VDAC1: variants seen among roughly 807,000 people sequenced by gnomAD.
The protein encoded by VDAC1 is voltage dependent anion channel 1.
A neutral mutation model predicts 34.7 loss-of-function variants in VDAC1; 10 were observed. That is an observed-to-expected ratio of 0.29 (90% CI 0.18 to 0.49). The LOEUF (loss-of-function observed/expected upper bound fraction) is 0.49, where lower values mean the gene tolerates loss of function less well. Among genes scored for constraint, VDAC1 ranks in the 20% least tolerant of loss-of-function variants. The probability of loss-of-function intolerance (pLI) is 0.99; values close to 1 mark genes in which losing one functional copy is unlikely to be tolerated. For synonymous variants in VDAC1, 130 were observed against 136.0 expected (o/e 0.96, Z 0.30); for missense variants, 230 against 347.9 (o/e 0.66, Z 2.69).
chr5:134,030,596 C>T, the VDAC1 span, among the ~76,000 whole-genome samples: 1 of 38,556 alleles, frequency 2.6e-5, no homozygotes, highest in Admixed American at 2.9e-4. Flanking sequence ...TTCTTTCTTT[C>T]TTTCTTTCTT....
chr5:134,012,882 T>C, the VDAC1 span, among the ~76,000 whole-genome samples: 1 of 152,054 alleles, frequency 6.6e-6, no homozygotes, highest in Non-Finnish European at 1.5e-5. Context: ...ATAGTACTGG[T>C]ACAAAAACAG....
At chr5:133,999,098 T>A (rs752468255) in intron 1 of VDAC1, among the ~76,000 whole-genome samples, 14 of 152,184 alleles carry the variant, frequency 9.2e-5, no homozygotes, top group Non-Finnish European at 1.6e-4. Context: ...ATCGCCTGAA[T>A]GCAGGAGTTC....
the VDAC1 span, among the ~76,000 whole-genome samples, chr5:134,110,863 A>C: frequency 1.3e-5 from 2 of 152,394 alleles, no homozygotes; most frequent in African/African-American, 4.8e-5. Context: ...AGAAAAGGAA[A>C]GGAAATGTAT....
At chr5:134,075,247 C>T in the VDAC1 span, among the ~76,000 whole-genome samples, 1 of 152,174 alleles carries the variant, frequency 6.6e-6, no homozygotes, top group Admixed American at 6.6e-5. Flanking sequence ...ACTATTCATG[C>T]TATTACTATT....
At chr5:133,980,605 C>T (rs972793733) in intron 6 of VDAC1, 124 bp downstream of exon 6, 1 of 839,026 alleles carries the variant, frequency 1.2e-6, no homozygotes. Context: ...AACAAACTCA[C>T]TTTACAGTGG....
In VDAC1 at chr5:133,973,793, G is replaced by A. The variant is rs371614785; in HGVS notation, c.758C>T (p.Pro253Leu). The change falls in exon 8 of 9, where the codon CCA becomes CTA. Residue 253 changes from proline (P) to leucine (L), a missense_variant and splice_region_variant. Pro to Leu is a moderately conservative substitution (Grantham distance 98, BLOSUM62 -3). Coordinates refer to ENST00000265333, the MANE Select transcript of VDAC1 (RefSeq NM_003374.3). ...IGLGYTQTLK[P>L]GIKLTLSALL... ...TTTCACACACAAGCAACACATACCT[G>A]GCTTTAGAGTCTGAGTGTATCCTAA... 2 of 1,611,502 alleles carry A rather than the reference G, an allele frequency of 1.2e-6. No homozygotes were observed. Among genetic ancestry groups the A allele is most frequent in the Non-Finnish European group, 1.7e-6 (2 of 1,179,760 alleles).
the VDAC1 span, among the ~76,000 whole-genome samples, chr5:134,044,576 T>G: frequency 2.0e-5 from 3 of 152,226 alleles, no homozygotes; most frequent in Non-Finnish European, 4.4e-5. Context: ...CATATCTGTA[T>G]GTGTCTGTGT....
the VDAC1 span, among the ~76,000 whole-genome samples, chr5:134,087,060 G>A: frequency 6.6e-6 from 1 of 151,950 alleles, no homozygotes; most frequent in African/African-American, 2.4e-5. Flanking sequence ...CTACATTTTG[G>A]GCCTGCTGCT....
chr5:133,992,826 C>A, intron 2 of VDAC1, 120 bp downstream of exon 2: 1 of 940,808 alleles, frequency 1.1e-6, no homozygotes. Flanking sequence ...TTCTTTTTTC[C>A]CTCACGTGAA....
At chr5:134,085,892 C>A in the VDAC1 span, among the ~76,000 whole-genome samples, 56 of 151,878 alleles carry the variant, frequency 3.7e-4, no homozygotes, top group African/African-American at 1.2e-3. Flanking sequence ...GACCCTATCT[C>A]TGAAAAACAG....
intron 6 of VDAC1, among the ~76,000 whole-genome samples, chr5:133,980,071 A>G (rs1384757504): frequency 1.3e-5 from 2 of 152,206 alleles, no homozygotes; most frequent in Non-Finnish European, 2.9e-5. Flanking sequence ...AAACATGGTA[A>G]CTCTGCACCC....
At chr5:134,017,287 A>G in the VDAC1 span, among the ~76,000 whole-genome samples, 2 of 151,896 alleles carry the variant, frequency 1.3e-5, no homozygotes, top group Non-Finnish European at 2.9e-5. Context: ...ACCAACATGG[A>G]GAAACCCCAT....
intron 6 of VDAC1, 172 bp from the exon 7 acceptor site, chr5:133,976,193 A>AG: frequency 1.4e-6 from 1 of 724,966 alleles, no homozygotes; most frequent in East Asian, 2.8e-5. Flanking sequence ...ACTAAATTAC[A>AG]GGAAGTCTGA....
chr5:134,103,230 G>A, the VDAC1 span, among the ~76,000 whole-genome samples: 12,137 of 152,058 alleles, frequency 0.08, 792 homozygotes, highest in East Asian at 0.37. Context: ...CAAGCCATCC[G>A]CCCACCTCAG....
the VDAC1 span, among the ~76,000 whole-genome samples, chr5:134,017,806 G>A: frequency 2.6e-5 from 4 of 152,126 alleles, no homozygotes; most frequent in Non-Finnish European, 5.9e-5. Flanking sequence ...CCAGCTACTC[G>A]AGAGGCTGAG....
At chr5:134,092,013 G>A in the VDAC1 span, among the ~76,000 whole-genome samples, 6 of 152,154 alleles carry the variant, frequency 3.9e-5, no homozygotes, top group African/African-American at 9.7e-5. Flanking sequence ...TCTCCTTTGC[G>A]CCACTCTCTG....
At chr5:134,041,303 C>T in the VDAC1 span, among the ~76,000 whole-genome samples, 4 of 152,170 alleles carry the variant, frequency 2.6e-5, no homozygotes, top group Non-Finnish European at 4.4e-5. Context: ...ATTCCTTGAC[C>T]TAATCTTTAC....
the VDAC1 span, among the ~76,000 whole-genome samples, chr5:134,031,094 G>A: frequency 6.6e-6 from 1 of 152,136 alleles, no homozygotes; most frequent in Non-Finnish European, 1.5e-5. Flanking sequence ...CCCTCAGGTG[G>A]TCCTGGATGA....
intron 7 of VDAC1, 130 bp from the exon 8 acceptor site, chr5:133,973,978 C>T (rs1371373322): frequency 4.2e-6 from 3 of 711,888 alleles, no homozygotes; most frequent in African/African-American, 3.6e-5. Flanking sequence ...CCACCTTGTT[C>T]ATGAGATTCA....
Sources: gnomAD v4.1 joint callset for allele counts (sites outside exome capture counted in the v4.1 genomes callset) on GRCh38, gnomAD v4.1.1 for gene constraint, MANE v1.5 for transcripts, NCBI Gene and HGNC (gene_info 2026-07-23, HGNC 2026-07-21) for gene names.